PDCD10: variants seen among roughly 807,000 people sequenced by gnomAD.
PDCD10 encodes programmed cell death protein 10.
A neutral mutation model predicts 29.2 loss-of-function variants in PDCD10; 4 were observed. The ratio of observed to expected loss-of-function variants is 0.14; its 90% CI spans 0.07 to 0.31. The LOEUF (loss-of-function observed/expected upper bound fraction) is 0.31, where lower values mean the gene tolerates loss of function less well. Among genes scored for constraint, PDCD10 ranks in the 10% least tolerant of loss-of-function variants. The probability of loss-of-function intolerance (pLI) is 1.00; values close to 1 mark genes in which losing one functional copy is unlikely to be tolerated. For missense variants in PDCD10, 183 were observed against 257.9 expected (o/e 0.71, Z 1.99); for synonymous variants, 70 against 82.2 (o/e 0.85, Z 0.80).
At chr3:167,706,079 G>GA (rs1386139705) in intron 3 of PDCD10, among the ~76,000 whole-genome samples, 1 of 152,166 alleles carries the variant, frequency 6.6e-6, no homozygotes, top group Non-Finnish European at 1.5e-5. Flanking sequence ...AGTTCACTCT[G>GA]TATAGCCCTG....
intron 3 of PDCD10, among the ~76,000 whole-genome samples, chr3:167,711,931 A>G (rs1402139962): frequency 6.6e-6 from 1 of 152,176 alleles, no homozygotes; most frequent in African/African-American, 2.4e-5. Context: ...TTCAAACATG[A>G]AGGAGAAATA....
intron 2 of PDCD10, among the ~76,000 whole-genome samples, chr3:167,733,368 T>C (rs988594591): frequency 1.5e-4 from 23 of 152,214 alleles, no homozygotes; most frequent in Non-Finnish European, 3.2e-4. Context: ...ATAATCATTA[T>C]AGAGGATAAG....
intron 3 of PDCD10, among the ~76,000 whole-genome samples, chr3:167,715,006 G>A (rs1207068479): frequency 6.6e-6 from 1 of 151,538 alleles, no homozygotes; most frequent in African/African-American, 2.4e-5. Flanking sequence ...GAGTCACACT[G>A]CCTGACTTCA....
At chr3:167,692,776 G>T (rs1720391363) in intron 6 of PDCD10, among the ~76,000 whole-genome samples, 1 of 152,220 alleles carries the variant, frequency 6.6e-6, no homozygotes, top group Admixed American at 6.5e-5. Context: ...AAATTAGCCA[G>T]GCATGGTGGC....
intron 3 of PDCD10, among the ~76,000 whole-genome samples, chr3:167,719,146 A>G (rs1723322337): frequency 6.6e-6 from 1 of 152,166 alleles, no homozygotes; most frequent in Non-Finnish European, 1.5e-5. Flanking sequence ...TACTTTAATG[A>G]AAGTATTTTA....
At chr3:167,727,164 C>T (rs1280532447) in intron 2 of PDCD10, among the ~76,000 whole-genome samples, 2 of 151,954 alleles carry the variant, frequency 1.3e-5, no homozygotes, top group Non-Finnish European at 2.9e-5. Flanking sequence ...TGATCAAAGC[C>T]CTTGAGATAA....
At chr3:167,710,715 A>G (rs1722443712) in intron 3 of PDCD10, among the ~76,000 whole-genome samples, 1 of 152,216 alleles carries the variant, frequency 6.6e-6, no homozygotes, top group African/African-American at 2.4e-5. Context: ...CACAGGCTTT[A>G]GCCAGGTAGT....
At chr3:167,727,492 C>T (rs910334815) in intron 2 of PDCD10, among the ~76,000 whole-genome samples, 1 of 152,198 alleles carries the variant, frequency 6.6e-6, no homozygotes, top group African/African-American at 2.4e-5. Flanking sequence ...ATAAAGTTCT[C>T]AACCTAATGG....
intron 6 of PDCD10, among the ~76,000 whole-genome samples, chr3:167,694,985 A>G (rs1449520490): frequency 6.6e-6 from 1 of 152,192 alleles, no homozygotes; most frequent in Non-Finnish European, 1.5e-5. Flanking sequence ...TAGTTTAAAG[A>G]TACTTATGTA....
At chr3:167,733,183 A>C (rs1240455892) in intron 2 of PDCD10, among the ~76,000 whole-genome samples, 1 of 149,944 alleles carries the variant, frequency 6.7e-6, no homozygotes, top group Non-Finnish European at 1.5e-5. Flanking sequence ...TGATCAACTT[A>C]TATATAAAAC....
chr3:167,704,532 A>G, intron 4 of PDCD10: 1 of 241,978 alleles, frequency 4.1e-6, no homozygotes, highest in Non-Finnish European at 8.1e-6. Context: ...CCAGCCATAT[A>G]AGTTTTCAAA....
chr3:167,695,296 T>C (rs147159239), intron 6 of PDCD10, among the ~76,000 whole-genome samples: 2 of 152,364 alleles, frequency 1.3e-5, no homozygotes, highest in East Asian at 3.9e-4. Context: ...TACCAATCTC[T>C]AGGATATATC....
intron 6 of PDCD10, chr3:167,694,343 A>G: frequency 4.9e-6 from 1 of 204,140 alleles, no homozygotes; most frequent in Non-Finnish European, 1.0e-5. Flanking sequence ...ATGGTATGCG[A>G]TATTAATCAG....
chr3:167,711,215 T>C (rs956573492), intron 3 of PDCD10, among the ~76,000 whole-genome samples: 1 of 152,164 alleles, frequency 6.6e-6, no homozygotes, highest in African/African-American at 2.4e-5. Flanking sequence ...AACACAGATA[T>C]GTGACTTCTC....
rs1057517786 is a variant in PDCD10, at chr3:167,704,889, G to T, written c.103C>A (p.Arg35=). The T allele has an allele frequency of 1.2e-6, 2 of 1,603,110 alleles. No homozygotes were observed. The highest frequency in any genetic ancestry group is 8.5e-7 in the Non-Finnish European group (1 of 1,170,940). The change falls in exon 4 of 9, where the codon CGA becomes AGA. Residue 35 remains arginine, a synonymous_variant. Coordinates refer to ENST00000392750, the MANE Select transcript of PDCD10 (RefSeq NM_007217.4). ...VMYPVFNELE[R]VNLSAAQTLR... ...GTCTGGGCTGCAGACAGATTTACTC[G>T]TTCTAGCTGCAATAAAAATTTTAAA...
At chr3:167,715,846 A>C (rs1722953654) in intron 3 of PDCD10, among the ~76,000 whole-genome samples, 1 of 152,038 alleles carries the variant, frequency 6.6e-6, no homozygotes, top group Non-Finnish European at 1.5e-5. Flanking sequence ...TATGGAGAAC[A>C]GTTTGGAGGT....
chr3:167,722,421 C>G (rs987055699), intron 2 of PDCD10, among the ~76,000 whole-genome samples: 1 of 152,054 alleles, frequency 6.6e-6, no homozygotes. Context: ...GCTGCTATAT[C>G]GCTACAGGAG....
intron 2 of PDCD10, among the ~76,000 whole-genome samples, chr3:167,722,552 G>A (rs1346566142): frequency 2.0e-5 from 3 of 152,190 alleles, no homozygotes; most frequent in Admixed American, 2.0e-4. Flanking sequence ...TGAGGTTAAA[G>A]CGGTAACCTT....
chr3:167,729,199 A>C (rs1228527435), intron 2 of PDCD10, among the ~76,000 whole-genome samples: 1 of 152,154 alleles, frequency 6.6e-6, no homozygotes, highest in Non-Finnish European at 1.5e-5. Context: ...TCTCTGCATA[A>C]CAAGTCAAAC....
Sources: allele counts gnomAD v4.1 joint callset (sites outside exome capture counted in the v4.1 genomes callset), GRCh38; gene constraint gnomAD v4.1.1; transcripts MANE v1.5; gene names NCBI Gene and HGNC (gene_info 2026-07-23, HGNC 2026-07-21).